Variants in PLEKHH1 observed in about 807,000 individuals in gnomAD.
PLEKHH1 encodes the protein pleckstrin homology, MyTH4 and FERM domain containing H1.
Under a neutral mutation model 160.0 loss-of-function variants are expected in PLEKHH1, and 104 were observed. The observed-to-expected ratio is 0.65, with a 90% CI of 0.55 to 0.76. The LOEUF (loss-of-function observed/expected upper bound fraction) is 0.76, where lower values mean the gene tolerates loss of function less well. PLEKHH1 is among the 30% of genes least tolerant of loss of function. The pLI is 0.00. For synonymous variants in PLEKHH1, 619 were observed against 678.4 expected, an observed-to-expected ratio of 0.91 and a Z score of 1.36; for missense variants, 1,427 against 1,724.1, an observed-to-expected ratio of 0.83 and a Z score of 3.05.
chr14:67,586,824 G>T, intron 28 of PLEKHH1: 1 of 1,469,238 alleles, frequency 6.8e-7, no homozygotes, highest in Non-Finnish European at 9.0e-7. Context: ...AACCAGAGCA[G>T]AACACTGGGC....
At chr14:67,580,779 G>A (rs1448315477) in intron 22 of PLEKHH1, 159 bp from the exon 23 acceptor site, 4 of 584,386 alleles carry the variant, frequency 6.8e-6, no homozygotes, top group East Asian at 2.9e-5. Flanking sequence ...CTGCCACCTT[G>A]GGTCCAGGAA....
Position 67,562,792 on chromosome 14 carries a change from G to A in PLEKHH1, c.1161G>A (p.Lys387=), listed in dbSNP as rs2034903372. 1.2e-6 allele frequency: 2 copies of A among 1,613,706 alleles called. No homozygotes were observed. Among genetic ancestry groups the A allele is most frequent in the Non-Finnish European group, 1.7e-6 (2 of 1,179,792 alleles). Residue 387 remains lysine, a synonymous_variant, in exon 7 of 29, where the codon AAG becomes AAA. Coordinates refer to ENST00000329153, the MANE Select transcript of PLEKHH1 (RefSeq NM_020715.3). The part of the protein sequence containing the change: ...MEMEEPPPAG[K]NEERESPKAL... Reference sequence around the variant, plus strand: ...TGGAGGAGCCACCCCCAGCAGGGAAGAATGAGGAAAGAGAGAGCCCAAAGG... The same window carrying A: ...TGGAGGAGCCACCCCCAGCAGGGAAAAATGAGGAAAGAGAGAGCCCAAAGG...
rs1469209494 is a variant in PLEKHH1 at position 67,587,263 on chromosome 14, C to T, written c.*28C>T. On this transcript the variant is annotated 3_prime_UTR_variant, in exon 29 of 29. Coordinates refer to ENST00000329153, the MANE Select transcript of PLEKHH1 (RefSeq NM_020715.3). ...ATTTCTCCTACCCGATTCCCCAACACCACTAGTGCCTCTGGATTTAGAGAT... is the reference window on the plus strand; with the variant it reads ...ATTTCTCCTACCCGATTCCCCAACATCACTAGTGCCTCTGGATTTAGAGAT... 1 of 1,612,114 alleles carries T rather than the reference C, an allele frequency of 6.2e-7. No individual in the cohort carries two copies. The highest frequency in any genetic ancestry group is 8.5e-7 in the Non-Finnish European group (1 of 1,178,244).
intron 9 of PLEKHH1, 164 bp downstream of exon 9, chr14:67,570,176 T>G: frequency 3.8e-6 from 1 of 265,788 alleles, no homozygotes; most frequent in Non-Finnish European, 5.8e-6. Flanking sequence ...TTTATTAGGT[T>G]ATTATAAAAA....
chr14:67,586,005 G>T lies in PLEKHH1; in HGVS notation c.3841G>T (p.Asp1281Tyr), dbSNP rs765483517. Residue 1281 changes from aspartate to tyrosine, a missense_variant, in exon 28 of 29, where the codon GAT becomes TAT. Physicochemically the swap from Asp to Tyr is radical, Grantham distance 160. Around this residue, in one of 6 missense-constraint regions of PLEKHH1, gnomAD observed 4 missense variants for 19.9 expected, o/e 0.20. Coordinates refer to ENST00000329153, the MANE Select transcript of PLEKHH1 (RefSeq NM_020715.3). ...AGTGACAACGTTTGGTGGCTGCAGGGATGACTTCATGCTTGTGATTAGATC... is the reference window on the plus strand; with the variant it reads ...AGTGACAACGTTTGGTGGCTGCAGGTATGACTTCATGCTTGTGATTAGATC... ...SSVTTFGGCR[D>Y]DFMLVIRSIP... 4.3e-6 allele frequency: 7 copies of T among 1,613,850 alleles called. No homozygotes were observed. The East Asian group carries it at 8.9e-5, about 21-fold the overall frequency.
In PLEKHH1 at chr14:67,575,418, C is replaced by T; in HGVS notation, c.2115C>T (p.Val705=). ...TAAAGCATGGCCACTCCAAGGTGGT[C>T]TGGTGCGCTCTTGTTGGGAAAATCT... The part of the protein sequence containing the change: ...TKVKHGHSKV[V]WCALVGKIFY... Residue 705 remains valine (V), a synonymous_variant, in exon 15 of 29, where the codon GTC becomes GTT. Transcript: ENST00000329153. 6.2e-7 allele frequency: 1 copy of T among 1,609,800 alleles called. No individual in the cohort carries two copies. Among genetic ancestry groups the T allele is most frequent in the South Asian group, 1.1e-5 (1 of 89,898 alleles).
At chr14:67,535,166 T>C (rs2033654637) in intron 1 of PLEKHH1, among the ~76,000 whole-genome samples, 1 of 152,188 alleles carries the variant, frequency 6.6e-6, no homozygotes, top group Non-Finnish European at 1.5e-5. Flanking sequence ...TATGAATGCC[T>C]GTAGATGCTC....
At chr14:67,559,527 C>T in intron 4 of PLEKHH1, 81 bp from the exon 5 acceptor site, 1 of 963,364 alleles carries the variant, frequency 1.0e-6, no homozygotes, top group African/African-American at 1.6e-5. Flanking sequence ...CACACTTGGC[C>T]TTTCTTGGGG....
intron 2 of PLEKHH1, among the ~76,000 whole-genome samples, chr14:67,546,922 A>G (rs2034205622): frequency 6.6e-6 from 1 of 152,178 alleles, no homozygotes; most frequent in South Asian, 2.1e-4. Flanking sequence ...ATTTCATAAT[A>G]AATGTTTTAG....
At chr14:67,568,434 G>A (rs1706006025) in intron 7 of PLEKHH1, among the ~76,000 whole-genome samples, 1 of 151,990 alleles carries the variant, frequency 6.6e-6, no homozygotes, top group Non-Finnish European at 1.5e-5. Flanking sequence ...ATACTTAGTG[G>A]GGCCTGTCAG....
At chr14:67,563,802 C>T (rs1476264240) in intron 7 of PLEKHH1, among the ~76,000 whole-genome samples, 3 of 146,122 alleles carry the variant, frequency 2.1e-5, no homozygotes, top group East Asian at 4.1e-4. Flanking sequence ...AGCACGGTCT[C>T]GGCTCACTGC....
At chr14:67,559,353 G>T (rs933616848) in intron 4 of PLEKHH1, among the ~76,000 whole-genome samples, 1 of 152,152 alleles carries the variant, frequency 6.6e-6, no homozygotes, top group South Asian at 2.1e-4. Context: ...GAGGCACAGC[G>T]TTCTCCTTCC....
chr14:67,563,294 T>C (rs886806911), intron 7 of PLEKHH1, among the ~76,000 whole-genome samples: 1 of 152,240 alleles, frequency 6.6e-6, no homozygotes. Context: ...GTGCCTCAGC[T>C]TCCCTGTCTA....
intron 22 of PLEKHH1, 96 bp from the exon 23 acceptor site, chr14:67,580,842 C>G: frequency 1.3e-6 from 1 of 779,100 alleles, no homozygotes; most frequent in South Asian, 1.6e-5. Flanking sequence ...CCTTAGTTTT[C>G]TTTGCTCTTC....
At chr14:67,542,676 C>CTATTTTATTT (rs202136535) in intron 2 of PLEKHH1, among the ~76,000 whole-genome samples, 37 of 151,870 alleles carry the variant, frequency 2.4e-4, no homozygotes, top group East Asian at 1.9e-3. Flanking sequence ...AGATAACATT[C>CTATTTTATTT]TATTTTATTT....
chr14:67,556,189 G>A (rs1175905742), intron 3 of PLEKHH1, among the ~76,000 whole-genome samples: 2 of 152,244 alleles, frequency 1.3e-5, no homozygotes, highest in Non-Finnish European at 2.9e-5. Flanking sequence ...GTTAGCCAGT[G>A]ATTCCGCTTC....
At position 67,573,978 on chromosome 14, in the gene PLEKHH1, G is replaced by A. The variant is rs140515228; in HGVS notation, c.1926+91G>A. ...GTGAGACAAAGATGGGGCCAAATGA[G>A]CATGAATGAAAGACTTCAGATCAAC... On this transcript the variant is annotated intron_variant, in intron 13 of 28. Coordinates refer to ENST00000329153, the MANE Select transcript of PLEKHH1 (RefSeq NM_020715.3). The surrounding 1 kb of genome is among the most constrained non-coding windows in gnomAD (Gnocchi z 4.8). 463 of 927,992 alleles carry A rather than the reference G, an allele frequency of 5.0e-4. 1 individual carries two copies. The African/African-American group carries it at 6.5e-3, about 13-fold the overall frequency. The allele number at this position is 927,992 out of a possible 1,614,324, so 57.5% of individuals were successfully genotyped here.
chr14:67,562,980 A>G lies in PLEKHH1; in HGVS notation c.1263+86A>G, dbSNP rs948063421. The G allele has an allele frequency of 2.5e-5, 35 of 1,377,580 alleles. 1 individual carries two copies. The African/African-American group carries it at 5.0e-4, about 20-fold the overall frequency. 85.3% of individuals were successfully genotyped at this position (1,377,580 alleles called of 1,614,324 possible). A position where few individuals can be genotyped will look rare whatever the true frequency, so the allele number is the denominator to read the frequency against. ...TGAGCACAGCCATGCACTGAGCAGG[A>G]GAGGAGGCTGCTGGCATCCTCATGG... On this transcript the variant is annotated intron_variant, in intron 7 of 28. Coordinates refer to ENST00000329153, the MANE Select transcript of PLEKHH1 (RefSeq NM_020715.3).
chr14:67,544,866 G>A (rs907223979), intron 2 of PLEKHH1, among the ~76,000 whole-genome samples: 6 of 152,218 alleles, frequency 3.9e-5, no homozygotes, highest in African/African-American at 1.4e-4. Context: ...AGACCTGGAT[G>A]TTAGAATGAC....
Sources: allele counts gnomAD v4.1 joint callset (sites outside exome capture counted in the v4.1 genomes callset), GRCh38; gene constraint gnomAD v4.1.1; regional missense constraint gnomAD v4.1.1; non-coding constraint Gnocchi (gnomAD v3.1); transcripts MANE v1.5; gene names NCBI Gene and HGNC (gene_info 2026-07-23, HGNC 2026-07-21).